The following TEKTL1 variants were observed in gnomAD, a reference collection of about 807,000 sequenced individuals.
The protein encoded by TEKTL1 is tektin like 1.
the TEKTL1 span, among the ~76,000 whole-genome samples, chr19:15,019,212 G>T: frequency 1.3e-5 from 2 of 152,160 alleles, no homozygotes; most frequent in African/African-American, 2.4e-5. Flanking sequence ...GCCTCCCAAA[G>T]TGCTGGAATT....
At chr19:15,015,706 G>C in the TEKTL1 span, among the ~76,000 whole-genome samples, 1 of 149,852 alleles carries the variant, frequency 6.7e-6, no homozygotes, top group Non-Finnish European at 1.5e-5. Context: ...CTATATAAAT[G>C]AATGAAGGAA....
At chr19:15,020,366 C>G in the TEKTL1 span, 1 of 1,078,718 alleles carries the variant, frequency 9.3e-7, no homozygotes, top group Non-Finnish European at 1.4e-6. Flanking sequence ...GCTTTACAGC[C>G]TATAAGGCTC....
At chr19:15,022,162 T>G in the TEKTL1 span, among the ~76,000 whole-genome samples, 2 of 151,970 alleles carry the variant, frequency 1.3e-5, no homozygotes, top group African/African-American at 4.8e-5. Flanking sequence ...ACACACACCC[T>G]CACTGTCCAG....
the TEKTL1 span, among the ~76,000 whole-genome samples, chr19:15,017,554 TCAGAG>T: frequency 3.5e-4 from 53 of 152,104 alleles, no homozygotes; most frequent in African/African-American, 1.3e-3. Flanking sequence ...TTAATATTGA[TCAGAG>T]CAGAGGAAGG....
chr19:15,010,961 A>G, the TEKTL1 span: 1 of 1,592,934 alleles, frequency 6.3e-7, no homozygotes, highest in Admixed American at 1.7e-5. Flanking sequence ...GGCGGTGACC[A>G]TGTGGCAGCC....
chr19:15,022,010 T>C, the TEKTL1 span: 2 of 1,023,378 alleles, frequency 2.0e-6, no homozygotes, highest in South Asian at 2.9e-5. Flanking sequence ...ATGATCCCCC[T>C]CTCACCCAAG....
At chr19:15,013,016 A>G in the TEKTL1 span, among the ~76,000 whole-genome samples, 1 of 152,126 alleles carries the variant, frequency 6.6e-6, no homozygotes, top group Non-Finnish European at 1.5e-5. Context: ...GGTGAAAGGA[A>G]GAAGTCCTCC....
chr19:15,012,024 T>G, the TEKTL1 span, among the ~76,000 whole-genome samples: 2 of 151,228 alleles, frequency 1.3e-5, no homozygotes, highest in Non-Finnish European at 2.9e-5. Flanking sequence ...GGGATGCCGA[T>G]GCGGGAGGAT....
the TEKTL1 span, chr19:15,013,751 T>G: frequency 1.9e-6 from 3 of 1,613,216 alleles, no homozygotes; most frequent in Non-Finnish European, 2.5e-6. Context: ...GAGAGAGATA[T>G]GGAAAAATCA....
chr19:15,022,868 C>T, the TEKTL1 span: 15 of 1,585,700 alleles, frequency 9.5e-6, no homozygotes, highest in African/African-American at 1.3e-4. Context: ...GCTCCCTATC[C>T]AGGGCACCGA....
At chr19:15,015,896 C>G in the TEKTL1 span, among the ~76,000 whole-genome samples, 2 of 152,212 alleles carry the variant, frequency 1.3e-5, no homozygotes, top group East Asian at 3.8e-4. Context: ...ACATGCCCCT[C>G]TAGATACCCA....
chr19:15,021,405 C>A, the TEKTL1 span: 1 of 1,614,242 alleles, frequency 6.2e-7, no homozygotes, highest in Non-Finnish European at 8.5e-7. Flanking sequence ...AGTCCAAGGA[C>A]ACCTTGGTAG....
the TEKTL1 span, among the ~76,000 whole-genome samples, chr19:15,014,510 C>CT: frequency 6.6e-6 from 1 of 151,856 alleles, no homozygotes; most frequent in Non-Finnish European, 1.5e-5. Flanking sequence ...AGATTGAAGT[C>CT]TTTTATTGTT....
the TEKTL1 span, among the ~76,000 whole-genome samples, chr19:15,017,760 G>C: frequency 6.6e-6 from 1 of 152,146 alleles, no homozygotes; most frequent in East Asian, 1.9e-4. Context: ...TTGACACCCA[G>C]CACAGGGAAG....
the TEKTL1 span, chr19:15,013,786 G>A: frequency 6.3e-7 from 1 of 1,587,874 alleles, no homozygotes; most frequent in Non-Finnish European, 8.6e-7. Context: ...GGTTAGGGGT[G>A]CCTGTGGACA....
the TEKTL1 span, among the ~76,000 whole-genome samples, chr19:15,020,219 G>A: frequency 6.6e-6 from 1 of 151,348 alleles, no homozygotes; most frequent in African/African-American, 2.4e-5. Flanking sequence ...TAGGCAGGAG[G>A]ATTACTTGAG....
At chr19:15,014,969 T>C in the TEKTL1 span, among the ~76,000 whole-genome samples, 5 of 152,166 alleles carry the variant, frequency 3.3e-5, no homozygotes, top group Non-Finnish European at 7.4e-5. Flanking sequence ...GGATTGCTTC[T>C]TGAGGCCAGA....
chr19:15,021,612 C>A, the TEKTL1 span: 3 of 1,613,902 alleles, frequency 1.9e-6, no homozygotes, highest in Non-Finnish European at 2.5e-6. Flanking sequence ...TTCCCTGCCC[C>A]CAGGAAAGAT....
chr19:15,011,896 G>A, the TEKTL1 span, among the ~76,000 whole-genome samples: 1 of 152,138 alleles, frequency 6.6e-6, no homozygotes, highest in African/African-American at 2.4e-5. Context: ...CCAGGTTGCA[G>A]TGAACTATGA....
Sources: gnomAD v4.1 joint callset for allele counts (sites outside exome capture counted in the v4.1 genomes callset) on GRCh38, gnomAD v4.1.1 for gene constraint, MANE v1.5 for transcripts, NCBI Gene and HGNC (gene_info 2026-07-23, HGNC 2026-07-21) for gene names.